CNST: variants seen among roughly 807,000 people sequenced by gnomAD.
CNST encodes consortin, connexin sorting protein, also known as consortin.
Under a neutral mutation model 72.4 loss-of-function variants are expected in CNST, and 39 were observed. The observed-to-expected ratio is 0.54, with a 90% CI of 0.42 to 0.70. The LOEUF (loss-of-function observed/expected upper bound fraction) is 0.70. CNST is among the 30% of genes least tolerant of loss of function. The pLI, the probability that CNST is intolerant of heterozygous loss-of-function variation, is 0.00. For synonymous variants in CNST, 332 were observed against 320.1 expected (o/e 1.04, Z -0.40); for missense variants, 871 against 868.5 (o/e 1.00, Z -0.04).
At chr1:246,575,182 C>T (rs879911105) in intron 1 of CNST, among the ~76,000 whole-genome samples, 3 of 151,958 alleles carry the variant, frequency 2.0e-5, no homozygotes, top group South Asian at 2.1e-4. Context: ...TCAGTAGAGA[C>T]GGGGTTTCAT....
At chr1:246,624,375 T>G (rs1434593250) in intron 3 of CNST, among the ~76,000 whole-genome samples, 1 of 152,232 alleles carries the variant, frequency 6.6e-6, no homozygotes, top group Non-Finnish European at 1.5e-5. Context: ...CTAAGTGGCT[T>G]TTGGTTTCTC....
Position 246,647,318 on chromosome 1 carries a change from C to T in CNST, c.1117C>T (p.Leu373Phe), listed in dbSNP as rs1666158396. Residue 373 changes from leucine (L) to phenylalanine (F), a missense_variant, in exon 9 of 11, where the codon CTC becomes TTC. Coordinates refer to ENST00000366513, the MANE Select transcript of CNST (RefSeq NM_152609.3). ...LLCSAEATLA[L>F]HTQSSETAGS... ...CTGCAGCGCTGAAGCCACGTTAGCG[C>T]TCCACACCCAGTCCTCCGAGACAGC... 1.2e-6 allele frequency: 2 copies of T among 1,614,032 alleles called. No individual in the cohort carries two copies. Among genetic ancestry groups the T allele is most frequent in the Non-Finnish European group, 1.7e-6 (2 of 1,180,042 alleles).
At chr1:246,590,432 C>A (rs1441888762) in intron 1 of CNST, among the ~76,000 whole-genome samples, 1 of 152,098 alleles carries the variant, frequency 6.6e-6, no homozygotes, top group Non-Finnish European at 1.5e-5. Flanking sequence ...TTCTTTCCAA[C>A]TTTTTGCTTT....
At chr1:246,661,131 G>A (rs142999672) in intron 10 of CNST, among the ~76,000 whole-genome samples, 159 of 152,090 alleles carry the variant, frequency 1.0e-3, no homozygotes, top group African/African-American at 3.4e-3. Context: ...CACCACGCCC[G>A]GCTAATTTTT....
chr1:246,587,897 T>C (rs1467580449), intron 1 of CNST, among the ~76,000 whole-genome samples: 1 of 152,178 alleles, frequency 6.6e-6, no homozygotes, highest in African/African-American at 2.4e-5. Context: ...GGAATATGAG[T>C]CACATAGTTT....
chr1:246,625,446 G>A (rs1431773044), intron 3 of CNST, among the ~76,000 whole-genome samples: 1 of 139,742 alleles, frequency 7.2e-6, no homozygotes. Context: ...TTTTGAGATG[G>A]GGTCTTGCTC....
At chr1:246,598,476 T>C (rs1029776188) in intron 2 of CNST, among the ~76,000 whole-genome samples, 6 of 152,318 alleles carry the variant, frequency 3.9e-5, no homozygotes, top group East Asian at 3.9e-4. Flanking sequence ...TTCCTAAAAA[T>C]ATATTTCCAG....
Position 246,591,494 on chromosome 1 carries a change from T to C in CNST, c.-51-18T>C. 1.3e-6 allele frequency: 2 copies of C among 1,558,126 alleles called. No homozygotes were observed. The highest frequency in any genetic ancestry group is 4.5e-5 in the East Asian group (2 of 44,452). On this transcript the variant is annotated intron_variant, in intron 1 of 10. Coordinates refer to ENST00000366513, the MANE Select transcript of CNST (RefSeq NM_152609.3). Reference sequence around the variant, plus strand: ...AAGGTTAGAAAATGAAGTAGCTTTTTTCTTTTTGTCATTGTAGACATGGAA... The same window carrying C: ...AAGGTTAGAAAATGAAGTAGCTTTTCTCTTTTTGTCATTGTAGACATGGAA...
chr1:246,575,795 T>C (rs940537895), intron 1 of CNST, among the ~76,000 whole-genome samples: 2 of 152,200 alleles, frequency 1.3e-5, no homozygotes, highest in African/African-American at 2.4e-5. Context: ...ATAGAAAATA[T>C]GTAAAATACA....
At chr1:246,627,205 C>T (rs371824115) in intron 3 of CNST, among the ~76,000 whole-genome samples, 3 of 152,338 alleles carry the variant, frequency 2.0e-5, no homozygotes, top group African/African-American at 7.2e-5. Flanking sequence ...GATCTTGTCA[C>T]TCCACTGTGC....
intron 2 of CNST, among the ~76,000 whole-genome samples, chr1:246,610,128 A>G (rs1663209404): frequency 6.6e-6 from 1 of 152,006 alleles, no homozygotes; most frequent in South Asian, 2.1e-4. Flanking sequence ...TAAAAATACA[A>G]AAAATTAGCC....
chr1:246,592,381 T>G (rs894096695), intron 2 of CNST, among the ~76,000 whole-genome samples: 1 of 152,086 alleles, frequency 6.6e-6, no homozygotes, highest in Admixed American at 6.6e-5. Context: ...CCAGCTACTC[T>G]GGAGGCTGAG....
chr1:246,627,753 G>A (rs553770123), intron 3 of CNST, among the ~76,000 whole-genome samples: 3 of 152,224 alleles, frequency 2.0e-5, no homozygotes, highest in South Asian at 2.1e-4. Flanking sequence ...TCAGGCATAA[G>A]GTAATGAAAG....
chr1:246,626,511 G>A (rs977421658), intron 3 of CNST, among the ~76,000 whole-genome samples: 14 of 142,390 alleles, frequency 9.8e-5, no homozygotes, highest in African/African-American at 3.7e-4. Context: ...AGGCTGGAGT[G>A]CAGTGGCACA....
chr1:246,566,590 C>A lies in CNST; in HGVS notation c.-125C>A, dbSNP rs193037102. Reference sequence around the variant, plus strand: ...GCAAGCTCCGTGACAGCACGTCGGCCGCCATGTCGCCGAGTGGGGCTGGAA... The same window carrying A: ...GCAAGCTCCGTGACAGCACGTCGGCAGCCATGTCGCCGAGTGGGGCTGGAA... On this transcript the variant is annotated 5_prime_UTR_variant, in exon 1 of 11. Transcript: ENST00000366513. 1,364 of 403,424 alleles carry A rather than the reference C, an allele frequency of 3.4e-3. 19 individuals are homozygous for A. The highest frequency in any genetic ancestry group is 0.025 in the African/African-American group (1,242 of 48,778). The allele number at this position is 403,424 out of a possible 1,614,324, so 25.0% of individuals were successfully genotyped here.
chr1:246,603,396 C>G (rs1364832444), intron 2 of CNST, among the ~76,000 whole-genome samples: 1 of 152,154 alleles, frequency 6.6e-6, no homozygotes, highest in Non-Finnish European at 1.5e-5. Context: ...TTTACTGGAT[C>G]ACGATCTCTA....
rs143983755 is a variant in CNST, at chr1:246,610,809, C to T, written c.380-10620C>T. Among the ~76,000 whole-genome samples, 338 of 151,956 alleles carry T rather than the reference C, an allele frequency of 2.2e-3. 2 individuals are homozygous for T. Among genetic ancestry groups the T allele is most frequent in the African/African-American group, 7.8e-3 (325 of 41,412 alleles). On this transcript the variant is annotated intron_variant, in intron 2 of 10. Coordinates refer to ENST00000366513, the MANE Select transcript of CNST (RefSeq NM_152609.3). Reference sequence around the variant, plus strand: ...GCGTGCGTCGTGTCCTGAGCTGTCGCGTGTAGCTTTCTGAATTCTACAGTA... The same window carrying T: ...GCGTGCGTCGTGTCCTGAGCTGTCGTGTGTAGCTTTCTGAATTCTACAGTA...
intron 9 of CNST, among the ~76,000 whole-genome samples, chr1:246,654,330 C>G (rs1269596021): frequency 6.6e-6 from 1 of 152,220 alleles, no homozygotes; most frequent in African/African-American, 2.4e-5. Flanking sequence ...TATCTCTTCC[C>G]AGCCCTCCAC....
chr1:246,575,251 AC>A (rs1349634651), intron 1 of CNST, among the ~76,000 whole-genome samples: 3 of 152,170 alleles, frequency 2.0e-5, no homozygotes, highest in Admixed American at 6.5e-5. Context: ...AAGTGTTCAG[AC>A]AAAAACGTGC....
Sources: gnomAD v4.1 joint callset for allele counts (sites outside exome capture counted in the v4.1 genomes callset) on GRCh38, gnomAD v4.1.1 for gene constraint, MANE v1.5 for transcripts, NCBI Gene and HGNC (gene_info 2026-07-23, HGNC 2026-07-21) for gene names.